Variants in DLGAP1 observed in about 807,000 individuals in gnomAD.
DLGAP1 encodes the protein disks large-associated protein 1.
In DLGAP1, 11 loss-of-function variants were observed where a neutral mutation model predicts 90.8. The ratio of observed to expected loss-of-function variants is 0.12; its 90% CI spans 0.08 to 0.20. DLGAP1 has a LOEUF of 0.20. Ranked by LOEUF, DLGAP1 falls within the 10% of genes least tolerant of loss-of-function variation. DLGAP1 has a pLI of 1.00. For synonymous variants in DLGAP1, 558 were observed against 540.7 expected (o/e 1.03, Z -0.44); for missense variants, 1,050 against 1,333.8 (o/e 0.79, Z 3.31).
chr18:4,449,849 G>C (rs1213837581), intron 1 of DLGAP1, among the ~76,000 whole-genome samples: 1 of 152,148 alleles, frequency 6.6e-6, no homozygotes, highest in Non-Finnish European at 1.5e-5. Context: ...TCCAAGGAGA[G>C]GGGGAAAGAT....
intron 2 of DLGAP1, among the ~76,000 whole-genome samples, chr18:4,088,764 A>C (rs779556353): frequency 3.9e-5 from 6 of 152,188 alleles, no homozygotes; most frequent in Non-Finnish European, 8.8e-5. Context: ...TCATGTTAAA[A>C]AAACTCTCAA....
chr18:4,018,397 T>A (rs2074556684), intron 2 of DLGAP1, among the ~76,000 whole-genome samples: 1 of 152,228 alleles, frequency 6.6e-6, no homozygotes, highest in Non-Finnish European at 1.5e-5. Flanking sequence ...TGACCTCGTG[T>A]GAGGCAGCTC....
intron 2 of DLGAP1, among the ~76,000 whole-genome samples, chr18:4,015,227 T>G (rs752179378): frequency 2.6e-5 from 4 of 152,170 alleles, no homozygotes; most frequent in Non-Finnish European, 5.9e-5. Context: ...TCTCTTGAAG[T>G]GCATATTGAC....
Position 3,567,548 on chromosome 18 carries a change from C to T in DLGAP1, c.1999G>A (p.Glu667Lys), listed in dbSNP as rs769452424. 6.2e-7 allele frequency: 1 copy of T among 1,614,000 alleles called. No individual in the cohort carries two copies. The highest frequency in any genetic ancestry group is 1.1e-5 in the South Asian group (1 of 91,074). ...TGGAACTTACTGGGTGCTTTATTCTCCCCTGTTTTGTCAGGTTCTTCAGCA... is the reference window on the plus strand; with the variant it reads ...TGGAACTTACTGGGTGCTTTATTCTTCCCTGTTTTGTCAGGTTCTTCAGCA... ...DDAEEPDKTG[E>K]NKAPSKFQSV... Residue 667 changes from glutamate (E) to lysine (K), a missense_variant, in exon 9 of 13, where the codon GAG (glutamate) becomes AAG (lysine). Coordinates refer to ENST00000315677, the MANE Select transcript of DLGAP1 (RefSeq NM_004746.4).
intron 7 of DLGAP1, among the ~76,000 whole-genome samples, chr18:3,684,576 G>T (rs546941330): frequency 6.6e-6 from 1 of 152,088 alleles, no homozygotes; most frequent in South Asian, 2.1e-4. Flanking sequence ...ATTCACAACA[G>T]GAAAAGCAAT....
At chr18:4,319,665 G>A (rs2080628270) in intron 1 of DLGAP1, among the ~76,000 whole-genome samples, 1 of 152,154 alleles carries the variant, frequency 6.6e-6, no homozygotes, top group South Asian at 2.1e-4. Context: ...TACTTACTGT[G>A]CCCAGGATTC....
chr18:3,956,243 A>T (rs1345701053), intron 3 of DLGAP1, among the ~76,000 whole-genome samples: 3 of 152,242 alleles, frequency 2.0e-5, no homozygotes, highest in Non-Finnish European at 4.4e-5. Context: ...GAGCAATGAA[A>T]GTGAGAAGAT....
intron 1 of DLGAP1, among the ~76,000 whole-genome samples, chr18:4,204,836 G>A (rs982353531): frequency 4.0e-5 from 6 of 151,656 alleles, no homozygotes; most frequent in South Asian, 2.1e-4. Flanking sequence ...TTATATGCAC[G>A]GAAGTATTCA....
intron 1 of DLGAP1, among the ~76,000 whole-genome samples, chr18:4,218,231 G>T (rs915450929): frequency 3.3e-5 from 5 of 151,472 alleles, no homozygotes; most frequent in Non-Finnish European, 7.4e-5. Flanking sequence ...CTATTTCTGG[G>T]CTCTCTATTC....
chr18:4,111,319 T>C (rs2075968555), intron 2 of DLGAP1, among the ~76,000 whole-genome samples: 1 of 152,174 alleles, frequency 6.6e-6, no homozygotes, highest in Non-Finnish European at 1.5e-5. Flanking sequence ...GCTAGTGTTT[T>C]GTTGAAGATT....
At chr18:3,796,056 A>G (rs2065976189) in intron 5 of DLGAP1, among the ~76,000 whole-genome samples, 2 of 152,208 alleles carry the variant, frequency 1.3e-5, no homozygotes, top group African/African-American at 2.4e-5. Flanking sequence ...GTTATTGCCA[A>G]TTAGTAGCCA....
chr18:3,825,945 T>TA (rs921660510), intron 4 of DLGAP1, among the ~76,000 whole-genome samples: 1 of 152,016 alleles, frequency 6.6e-6, no homozygotes, highest in South Asian at 2.1e-4. Flanking sequence ...TATGCAGCCA[T>TA]AAAAAAAGAA....
At chr18:3,883,554 A>G (rs2071235036) in intron 3 of DLGAP1, among the ~76,000 whole-genome samples, 1 of 152,244 alleles carries the variant, frequency 6.6e-6, no homozygotes, top group Admixed American at 6.5e-5. Flanking sequence ...TCACCCACCT[A>G]GTATTTGGCA....
At chr18:4,029,139 T>A (rs2074751875) in intron 2 of DLGAP1, among the ~76,000 whole-genome samples, 1 of 152,198 alleles carries the variant, frequency 6.6e-6, no homozygotes, top group South Asian at 2.1e-4. Flanking sequence ...CTTATTTCAC[T>A]TAGCATAATG....
At chr18:3,894,263 G>C (rs1224007053) in intron 3 of DLGAP1, among the ~76,000 whole-genome samples, 1 of 152,120 alleles carries the variant, frequency 6.6e-6, no homozygotes, top group East Asian at 1.9e-4. Flanking sequence ...TTATGTCTTT[G>C]AGGTCTTAGT....
At chr18:4,346,150 T>G (rs577984647) in intron 1 of DLGAP1, among the ~76,000 whole-genome samples, 64 of 152,344 alleles carry the variant, frequency 4.2e-4, no homozygotes, top group African/African-American at 1.5e-3. Flanking sequence ...ACCTTATGAA[T>G]AGCAGTCTTA....
At chr18:4,106,390 C>T (rs1002103781) in intron 2 of DLGAP1, among the ~76,000 whole-genome samples, 2 of 152,194 alleles carry the variant, frequency 1.3e-5, no homozygotes, top group Admixed American at 6.5e-5. Flanking sequence ...GTCATGCCCC[C>T]AGCCCTGCAT....
At chr18:3,791,283 C>T (rs556093283) in intron 5 of DLGAP1, among the ~76,000 whole-genome samples, 1 of 152,320 alleles carries the variant, frequency 6.6e-6, no homozygotes, top group South Asian at 2.1e-4. Flanking sequence ...TCAAAATTGG[C>T]TTAATATAGC....
chr18:4,000,819 T>C (rs1054183770), intron 3 of DLGAP1, among the ~76,000 whole-genome samples: 7 of 152,258 alleles, frequency 4.6e-5, no homozygotes, highest in Admixed American at 3.9e-4. Context: ...TATTGACTTT[T>C]TAACTAGTGC....
Sources: allele counts gnomAD v4.1 joint callset (sites outside exome capture counted in the v4.1 genomes callset), GRCh38; gene constraint gnomAD v4.1.1; transcripts MANE v1.5; gene names NCBI Gene and HGNC (gene_info 2026-07-23, HGNC 2026-07-21).